Variants in NME7 observed in about 807,000 individuals in gnomAD.
NME7 encodes the protein nucleoside diphosphate kinase 7.
NME7 carries 41 observed loss-of-function variants against 49.1 expected under a neutral mutation model. The ratio of observed to expected loss-of-function variants is 0.83; its 90% CI spans 0.65 to 1.08. The LOEUF (loss-of-function observed/expected upper bound fraction) is 1.08. Ranked by LOEUF, NME7 falls within the 50% of genes least tolerant of loss-of-function variation. NME7 has a pLI of 0.00. For synonymous variants in NME7, 139 were observed against 150.6 expected (o/e 0.92, Z 0.56); for missense variants, 423 against 463.4 (o/e 0.91, Z 0.80).
chr1:169,245,140 A>G (rs937802883), intron 7 of NME7, among the ~76,000 whole-genome samples: 1 of 152,150 alleles, frequency 6.6e-6, no homozygotes, highest in African/African-American at 2.4e-5. Flanking sequence ...GAACAACAAC[A>G]ACAAAAATAA....
chr1:169,169,014 A>T (rs1021643118), intron 11 of NME7: 17 of 427,946 alleles, frequency 4.0e-5, no homozygotes, highest in African/African-American at 3.3e-4. Flanking sequence ...TAGTCACCTG[A>T]TATAAAAACA....
Position 169,256,338 on chromosome 1 carries a change from T to C in NME7, c.755-18651A>G, listed in dbSNP as rs1263788314. ...TTCATCTTCCATCACTGAAACCCTTTCTTCCAGTTGATCGCATCGACTCCT... is the reference window on the plus strand; with the variant it reads ...TTCATCTTCCATCACTGAAACCCTTCCTTCCAGTTGATCGCATCGACTCCT... On this transcript the variant is annotated intron_variant, in intron 7 of 11. Transcript: ENST00000367811. Among the ~76,000 whole-genome samples, 5 of 134,446 alleles carry C rather than the reference T, an allele frequency of 3.7e-5. 1 individual carries two copies. Among genetic ancestry groups the C allele is most frequent in the African/African-American group, 1.3e-4 (5 of 39,664 alleles). The allele number at this position is 134,446 out of a possible 152,430, so 88.2% of individuals were successfully genotyped here.
At chr1:169,185,832 T>G (rs1286551077) in intron 10 of NME7, among the ~76,000 whole-genome samples, 2 of 152,128 alleles carry the variant, frequency 1.3e-5, no homozygotes, top group Non-Finnish European at 2.9e-5. Flanking sequence ...TGCAAAAACT[T>G]AGTTGTGAAT....
At chr1:169,351,969 C>T (rs543600443) in intron 1 of NME7, among the ~76,000 whole-genome samples, 6 of 152,046 alleles carry the variant, frequency 3.9e-5, no homozygotes, top group African/African-American at 1.4e-4. Context: ...GACCTGATGG[C>T]TTCACTGCTG....
At position 169,223,784 on chromosome 1, in the gene NME7, T is replaced by TAG. The variant is rs1280208985; in HGVS notation, c.990+6933_990+6934insCT. ...GTATGGGAATACATGCATATATATA[T>TAG]ATAGAGAGAGAGAGAGAGAGAGATG... is the stretch of plus-strand genomic sequence containing the variant. On this transcript the variant is annotated intron_variant, in intron 10 of 11. Transcript: ENST00000367811. Among the ~76,000 whole-genome samples the TAG allele has an allele frequency of 4.8e-3, 721 of 150,712 alleles. 6 individuals carry two copies. The highest frequency in any genetic ancestry group is 0.016 in the African/African-American group (654 of 40,718).
chr1:169,182,552 T>C (rs2101750633), intron 10 of NME7, among the ~76,000 whole-genome samples: 1 of 152,328 alleles, frequency 6.6e-6, no homozygotes, highest in South Asian at 2.1e-4. Context: ...CTTTCCTTAC[T>C]TTCCAAGTCT....
At chr1:169,209,336 T>A (rs886464270) in intron 10 of NME7, among the ~76,000 whole-genome samples, 4 of 152,086 alleles carry the variant, frequency 2.6e-5, no homozygotes, top group African/African-American at 4.8e-5. Flanking sequence ...GATATTTAAA[T>A]CTCTGGAAAA....
intron 10 of NME7, among the ~76,000 whole-genome samples, chr1:169,188,006 A>T (rs1660121470): frequency 6.6e-6 from 1 of 152,084 alleles, no homozygotes; most frequent in Non-Finnish European, 1.5e-5. Context: ...TCGCTTATGA[A>T]GCTTAGTTTG....
chr1:169,185,857 T>C (rs1391995835), intron 10 of NME7, among the ~76,000 whole-genome samples: 1 of 152,078 alleles, frequency 6.6e-6, no homozygotes, highest in East Asian at 1.9e-4. Context: ...CTTCCTAGAG[T>C]TGATAAATAC....
intron 8 of NME7, among the ~76,000 whole-genome samples, chr1:169,237,286 A>ATTTCTC (rs1342108282): frequency 2.6e-5 from 4 of 152,020 alleles, no homozygotes; most frequent in Non-Finnish European, 5.9e-5. Context: ...ACTCATCACA[A>ATTTCTC]TTTCTCACTT....
intron 7 of NME7, among the ~76,000 whole-genome samples, chr1:169,251,240 T>C (rs1448703225): frequency 1.3e-5 from 2 of 151,898 alleles, no homozygotes; most frequent in Admixed American, 1.3e-4. Flanking sequence ...CTTCTTTGTC[T>C]TTTTTTACTG....
At chr1:169,358,745 A>G (rs957020034) in intron 1 of NME7, among the ~76,000 whole-genome samples, 10 of 152,106 alleles carry the variant, frequency 6.6e-5, no homozygotes, top group African/African-American at 2.4e-4. Context: ...ATTGTTAGAC[A>G]TATGTATGTA....
At chr1:169,348,837 G>A (rs1653046287) in intron 1 of NME7, among the ~76,000 whole-genome samples, 1 of 150,504 alleles carries the variant, frequency 6.6e-6, no homozygotes, top group African/African-American at 2.4e-5. Flanking sequence ...TAGAAACTGA[G>A]TTTTTGAAAA....
At chr1:169,325,000 T>C (rs1478399777) in intron 1 of NME7, among the ~76,000 whole-genome samples, 1 of 152,074 alleles carries the variant, frequency 6.6e-6, no homozygotes. Flanking sequence ...TTTCATATGA[T>C]AGTATCTTTT....
At chr1:169,204,477 C>T (rs1660624719) in intron 10 of NME7, among the ~76,000 whole-genome samples, 1 of 152,024 alleles carries the variant, frequency 6.6e-6, no homozygotes, top group Non-Finnish European at 1.5e-5. Flanking sequence ...ATGCTTCAAA[C>T]TAAATTACTC....
intron 7 of NME7, among the ~76,000 whole-genome samples, chr1:169,243,274 C>A (rs1310879695): frequency 6.6e-6 from 1 of 152,016 alleles, no homozygotes; most frequent in Admixed American, 6.6e-5. Context: ...AGTGCAAAAG[C>A]AATTCAAATT....
intron 7 of NME7, among the ~76,000 whole-genome samples, chr1:169,239,743 T>C (rs1648003254): frequency 6.6e-6 from 1 of 152,064 alleles, no homozygotes; most frequent in African/African-American, 2.4e-5. Flanking sequence ...GACAGTACTT[T>C]ATATAAAGAG....
intron 4 of NME7, among the ~76,000 whole-genome samples, chr1:169,308,015 A>C (rs1352035408): frequency 7.6e-6 from 1 of 131,408 alleles, no homozygotes; most frequent in East Asian, 2.2e-4. Context: ...GCAAGACTCC[A>C]TCTCAAAAAA....
chr1:169,281,365 G>T (rs1332311049), intron 7 of NME7, among the ~76,000 whole-genome samples: 2 of 152,080 alleles, frequency 1.3e-5, no homozygotes, highest in Non-Finnish European at 2.9e-5. Context: ...AAGACAATGG[G>T]GTTTTCTAAA....
Sources: allele counts gnomAD v4.1 joint callset (sites outside exome capture counted in the v4.1 genomes callset), GRCh38; gene constraint gnomAD v4.1.1; transcripts MANE v1.5; gene names NCBI Gene and HGNC (gene_info 2026-07-23, HGNC 2026-07-21).